The following FAR2 variants were observed in gnomAD, a reference collection of about 807,000 sequenced individuals.
FAR2 encodes the protein fatty acyl-CoA reductase 2.
A neutral mutation model predicts 56.0 loss-of-function variants in FAR2; 19 were observed. That is an observed-to-expected ratio of 0.34 (90% CI 0.24 to 0.50). The LOEUF (loss-of-function observed/expected upper bound fraction) is 0.50, where lower values mean the gene tolerates loss of function less well. Ranked by LOEUF, FAR2 falls within the 20% of genes least tolerant of loss-of-function variation. The pLI is 0.98. For missense variants in FAR2, 508 were observed against 642.2 expected, an observed-to-expected ratio of 0.79 and a Z score of 2.26; for synonymous variants, 219 against 218.8, an observed-to-expected ratio of 1.00 and a Z score of -0.01.
chr12:29,237,448 T>A (rs1236702621), intron 1 of FAR2, among the ~76,000 whole-genome samples: 3 of 152,182 alleles, frequency 2.0e-5, no homozygotes, highest in Non-Finnish European at 4.4e-5. Flanking sequence ...ACTTAAGATG[T>A]CCTTGAAGGA....
chr12:29,182,444 C>T (rs535030907), intron 1 of FAR2, among the ~76,000 whole-genome samples: 1 of 152,346 alleles, frequency 6.6e-6, no homozygotes, highest in South Asian at 2.1e-4. Flanking sequence ...GGTGCATTTA[C>T]AGTCTTTTAG....
intron 1 of FAR2, among the ~76,000 whole-genome samples, chr12:29,225,365 T>C (rs1403770134): frequency 6.6e-6 from 1 of 152,188 alleles, no homozygotes; most frequent in Non-Finnish European, 1.5e-5. Flanking sequence ...TTTAAGATTA[T>C]TGTAAAGGTT....
intron 4 of FAR2, among the ~76,000 whole-genome samples, chr12:29,305,203 G>A (rs899212501): frequency 1.3e-5 from 2 of 151,928 alleles, no homozygotes; most frequent in African/African-American, 2.4e-5. Flanking sequence ...GCACAATTAT[G>A]GCTCATTGGA....
chr12:29,271,243 A>G (rs1251530805), intron 2 of FAR2, among the ~76,000 whole-genome samples: 1 of 152,228 alleles, frequency 6.6e-6, no homozygotes, highest in African/African-American at 2.4e-5. Context: ...CTCGGAAAAA[A>G]AAGACATTAT....
chr12:29,261,063 C>A (rs1268308270), intron 1 of FAR2, among the ~76,000 whole-genome samples: 1 of 152,192 alleles, frequency 6.6e-6, no homozygotes, highest in Non-Finnish European at 1.5e-5. Flanking sequence ...GCAACTATTA[C>A]AATAAATACC....
chr12:29,310,251 C>A (rs535968157), intron 6 of FAR2, among the ~76,000 whole-genome samples: 2 of 152,114 alleles, frequency 1.3e-5, no homozygotes, highest in Non-Finnish European at 2.9e-5. Context: ...CTAAAATGTT[C>A]TAAATTGGTT....
At chr12:29,183,463 T>C (rs1950010935) in intron 1 of FAR2, among the ~76,000 whole-genome samples, 1 of 152,206 alleles carries the variant, frequency 6.6e-6, no homozygotes, top group Non-Finnish European at 1.5e-5. Context: ...ACTCAAGATC[T>C]TCCTTCCAAA....
At chr12:29,292,233 C>T (rs1948981036) in intron 2 of FAR2, 1 of 152,120 alleles carries the variant, frequency 6.6e-6, no homozygotes, top group African/African-American at 2.4e-5. Context: ...TAAGGAACCC[C>T]ATCGTGAGAA....
intron 1 of FAR2, among the ~76,000 whole-genome samples, chr12:29,152,891 G>T (rs1453561511): frequency 6.6e-6 from 1 of 152,210 alleles, no homozygotes; most frequent in Non-Finnish European, 1.5e-5. Flanking sequence ...TTAAAGTTCT[G>T]CAACAGAGAT....
intron 9 of FAR2, among the ~76,000 whole-genome samples, chr12:29,319,443 T>C (rs1392445875): frequency 6.6e-6 from 1 of 152,218 alleles, no homozygotes; most frequent in Non-Finnish European, 1.5e-5. Flanking sequence ...CTTTCATTCA[T>C]TTATTGGACA....
chr12:29,268,709 G>C (rs1052519739), intron 1 of FAR2, among the ~76,000 whole-genome samples: 11 of 152,258 alleles, frequency 7.2e-5, no homozygotes, highest in Admixed American at 7.2e-4. Flanking sequence ...ATTTATTGGG[G>C]AACCTGCCCC....
At chr12:29,200,303 G>GA (rs1194991188) in intron 1 of FAR2, among the ~76,000 whole-genome samples, 1 of 152,178 alleles carries the variant, frequency 6.6e-6, no homozygotes, top group African/African-American at 2.4e-5. Flanking sequence ...GGCCAGCAGT[G>GA]AAAAATCAGC....
rs1949358313 is a variant in FAR2, at chr12:29,311,870, T to C, written c.888-13T>C. ...TTTTGTTGTACTTATCTAATTTTTA[T>C]TTCATTTTCCAGACCTAAGTCAACA... On this transcript the variant is annotated splice_polypyrimidine_tract_variant and intron_variant, in intron 7 of 11. Coordinates refer to ENST00000536681, the MANE Select transcript of FAR2 (RefSeq NM_001271783.2). The C allele has an allele frequency of 6.3e-7, 1 of 1,575,670 alleles. No individual in the cohort carries two copies. The highest frequency in any genetic ancestry group is 2.2e-5 in the East Asian group (1 of 44,600).
chr12:29,302,798 G>A lies in FAR2; in HGVS notation c.546-4860G>A, dbSNP rs532857222. 7.9e-5 allele frequency among the ~76,000 whole-genome samples: 12 copies of A among 152,116 alleles called. 1 individual carries two copies. Among genetic ancestry groups the A allele is most frequent in the Middle Eastern group, 6.8e-3 (2 of 294 alleles). On this transcript the variant is annotated intron_variant, in intron 4 of 11. Coordinates refer to ENST00000536681, the MANE Select transcript of FAR2 (RefSeq NM_001271783.2). ...CAGTGGATTAGCATAGGGAGTAGAC[G>A]GAGGAAGCGAGACCCATTACCAGAG...
intron 1 of FAR2, among the ~76,000 whole-genome samples, chr12:29,240,517 GGTT>G (rs958904399): frequency 1.8e-3 from 25 of 14,252 alleles, no homozygotes; most frequent in Middle Eastern, 0.016. Context: ...GCACAAAATG[GGTT>G]GTTTTTTTTT....
At chr12:29,202,727 CT>C (rs1947431695) in intron 1 of FAR2, among the ~76,000 whole-genome samples, 1 of 152,196 alleles carries the variant, frequency 6.6e-6, no homozygotes, top group Admixed American at 6.5e-5. Flanking sequence ...CCTTCCCTCT[CT>C]TTTGCTCCCT....
rs73073756 is a variant in FAR2 at position 29,157,970 on chromosome 12, T to G, written c.-39+8563T>G. On this transcript the variant is annotated intron_variant, in intron 1 of 11. Coordinates refer to ENST00000536681, the MANE Select transcript of FAR2 (RefSeq NM_001271783.2). ...TGCATGTATTAAAGATTTTTGCTTA[T>G]TATTTTCAATAAAGGATATTTAATA... Among the ~76,000 whole-genome samples the G allele has an allele frequency of 5.5e-3, 842 of 152,346 alleles. 8 individuals are homozygous for G. Among genetic ancestry groups the G allele is most frequent in the Middle Eastern group, 0.017 (5 of 294 alleles).
intron 1 of FAR2, among the ~76,000 whole-genome samples, chr12:29,162,459 T>C (rs1016366960): frequency 1.3e-5 from 2 of 152,212 alleles, no homozygotes; most frequent in Non-Finnish European, 2.9e-5. Flanking sequence ...TGACTGTGAA[T>C]AGCCTAGGCT....
chr12:29,299,213 CAAAAAAAAAA>C (rs71042981), intron 4 of FAR2, among the ~76,000 whole-genome samples: 7 of 103,572 alleles, frequency 6.8e-5, no homozygotes, highest in Non-Finnish European at 1.3e-4. Flanking sequence ...AACTTTGTCT[CAAAAAAAAAA>C]AAAAAAAAAA....
Sources: gnomAD v4.1 joint callset for allele counts (sites outside exome capture counted in the v4.1 genomes callset) on GRCh38, gnomAD v4.1.1 for gene constraint, MANE v1.5 for transcripts, NCBI Gene and HGNC (gene_info 2026-07-23, HGNC 2026-07-21) for gene names.